HIF1A: variants seen among roughly 807,000 people sequenced by gnomAD.
HIF1A encodes the protein hypoxia-inducible factor 1-alpha.
HIF1A carries 24 observed loss-of-function variants against 92.7 expected under a neutral mutation model. The observed-to-expected ratio is 0.26, with a 90% confidence interval of 0.19 to 0.36. The LOEUF (loss-of-function observed/expected upper bound fraction) is 0.36. Ranked by LOEUF, HIF1A falls within the 10% of genes least tolerant of loss-of-function variation. The pLI, the probability that HIF1A is intolerant of heterozygous loss-of-function variation, is 1.00. For synonymous variants in HIF1A, 319 were observed against 338.7 expected (o/e 0.94, Z 0.64); for missense variants, 799 against 998.5 (o/e 0.80, Z 2.69).
At chr14:61,718,182 A>G (rs1485132051) in intron 1 of HIF1A, among the ~76,000 whole-genome samples, 1 of 151,636 alleles carries the variant, frequency 6.6e-6, no homozygotes, top group African/African-American at 2.4e-5. Flanking sequence ...GCCAGGCACA[A>G]TGGCTCAAGC....
intron 12 of HIF1A, among the ~76,000 whole-genome samples, chr14:61,742,478 T>C (rs2044723771): frequency 6.6e-6 from 1 of 152,172 alleles, no homozygotes; most frequent in Non-Finnish European, 1.5e-5. Flanking sequence ...CTTTATTTAC[T>C]GTGTCACTTA....
chr14:61,730,452 CCCT>C (rs1322801209), intron 6 of HIF1A, among the ~76,000 whole-genome samples: 3 of 152,106 alleles, frequency 2.0e-5, no homozygotes, highest in Admixed American at 6.5e-5. Context: ...AATCTGATCC[CCCT>C]ACCTACTTCT....
At chr14:61,703,382 T>C (rs1196380695) in intron 1 of HIF1A, among the ~76,000 whole-genome samples, 1 of 152,176 alleles carries the variant, frequency 6.6e-6, no homozygotes, top group Non-Finnish European at 1.5e-5. Context: ...CTCAATCTAG[T>C]TTAAGAGGGG....
chr14:61,717,495 C>G (rs961233477), intron 1 of HIF1A, among the ~76,000 whole-genome samples: 2 of 152,068 alleles, frequency 1.3e-5, no homozygotes, highest in Non-Finnish European at 2.9e-5. Flanking sequence ...TTTGTCAACT[C>G]TATATTAGTT....
Position 61,737,030 on chromosome 14 carries a change from T to G in HIF1A, c.1170T>G (p.Leu390=). The G allele has an allele frequency of 1.2e-6, 2 of 1,614,200 alleles. No individual in the cohort carries two copies. The highest frequency in any genetic ancestry group is 1.7e-6 in the Non-Finnish European group (2 of 1,180,018). The change falls in exon 9 of 15, where the codon CTT becomes CTG. Residue 390 remains leucine, a synonymous_variant. Coordinates refer to ENST00000337138, the MANE Select transcript of HIF1A (RefSeq NM_001530.4). ...SEDTSSLFDK[L]KKEPDALTLL... ...ATACAAGTAGCCTCTTTGACAAACT[T>G]AAGAAGGAACCTGATGCTTTAACTT...
At chr14:61,702,421 A>G (rs1316805608) in intron 1 of HIF1A, among the ~76,000 whole-genome samples, 1 of 150,158 alleles carries the variant, frequency 6.7e-6, no homozygotes, top group African/African-American at 2.5e-5. Context: ...GCCTGATGAC[A>G]GTGTGAGATG....
intron 13 of HIF1A, 58 bp downstream of exon 13, chr14:61,744,871 GTGT>G: frequency 1.6e-6 from 1 of 626,280 alleles, no homozygotes; most frequent in Non-Finnish European, 2.8e-6. Flanking sequence ...GTGTGTGTGT[GTGT>G]GTGTGTGTGT....
intron 1 of HIF1A, among the ~76,000 whole-genome samples, chr14:61,711,052 A>G (rs1343060410): frequency 7.2e-6 from 1 of 139,764 alleles, no homozygotes; most frequent in Non-Finnish European, 1.5e-5. Flanking sequence ...TGTCTCAAAA[A>G]AAAAAAAAAA....
At chr14:61,701,796 T>C (rs2044179683) in intron 1 of HIF1A, among the ~76,000 whole-genome samples, 1 of 152,096 alleles carries the variant, frequency 6.6e-6, no homozygotes, top group South Asian at 2.1e-4. Flanking sequence ...GAGACCAGCC[T>C]GGCCAACATG....
At chr14:61,716,155 A>G (rs892444402) in intron 1 of HIF1A, among the ~76,000 whole-genome samples, 5 of 151,672 alleles carry the variant, frequency 3.3e-5, no homozygotes, top group Non-Finnish European at 7.4e-5. Context: ...GCAGAAATTA[A>G]TAAGATTAAA....
chr14:61,745,688 T>C lies in HIF1A; in HGVS notation c.2203-3T>C. The C allele has an allele frequency of 6.2e-7, 1 of 1,612,024 alleles. No homozygotes were observed. The highest frequency in any genetic ancestry group is 8.5e-7 in the Non-Finnish European group (1 of 1,178,934). On this transcript the variant is annotated splice_region_variant and splice_polypyrimidine_tract_variant and intron_variant, in intron 13 of 14. Coordinates refer to ENST00000337138, the MANE Select transcript of HIF1A (RefSeq NM_001530.4). Reference sequence around the variant, plus strand: ...AAACTTGAAATAACTTTACTGTTTATAGGGAACATTATTACAGCAGCCAGA... The same window carrying C: ...AAACTTGAAATAACTTTACTGTTTACAGGGAACATTATTACAGCAGCCAGA...
chr14:61,727,370 G>A (rs1387928292), intron 5 of HIF1A, 83 bp from the exon 6 acceptor site: 1 of 980,418 alleles, frequency 1.0e-6, no homozygotes, highest in Non-Finnish European at 1.6e-6. Context: ...TACTGGCCAT[G>A]TCAGACTCAA....
chr14:61,695,896 C>A (rs1363713415), intron 1 of HIF1A, 57 bp downstream of exon 1: 4 of 1,499,476 alleles, frequency 2.7e-6, no homozygotes, highest in Non-Finnish European at 3.6e-6. Flanking sequence ...CCCGCCTGCC[C>A]GCCCTGGGCT....
At chr14:61,717,960 G>T (rs1446939396) in intron 1 of HIF1A, among the ~76,000 whole-genome samples, 2 of 150,326 alleles carry the variant, frequency 1.3e-5, no homozygotes, top group Admixed American at 6.6e-5. Flanking sequence ...AGTGGAGGTT[G>T]CAGTGAACCA....
intron 1 of HIF1A, among the ~76,000 whole-genome samples, chr14:61,708,328 T>C (rs2044266484): frequency 1.3e-5 from 2 of 152,250 alleles, no homozygotes; most frequent in East Asian, 3.8e-4. Context: ...TTTGTCAATT[T>C]TGGCTTCTGT....
At chr14:61,733,755 CT>C (rs2044603398) in intron 7 of HIF1A, among the ~76,000 whole-genome samples, 1 of 152,178 alleles carries the variant, frequency 6.6e-6, no homozygotes, top group South Asian at 2.1e-4. Context: ...TTTAAAGCAT[CT>C]TTGGTTCTCT....
Position 61,713,941 on chromosome 14 carries a change from G to A in HIF1A, c.36-6441G>A, listed in dbSNP as rs372073115. On this transcript the variant is annotated intron_variant, in intron 1 of 14. Coordinates refer to ENST00000337138, the MANE Select transcript of HIF1A (RefSeq NM_001530.4). ...CTGCAGAACTGATTGCTCACCTGGT[G>A]GTGGAGAGAACCCCTCCTCTCCCGA... Among the ~76,000 whole-genome samples, 11 of 152,272 alleles carry A rather than the reference G, an allele frequency of 7.2e-5. No homozygotes were observed. In the East Asian group the frequency reaches 1.9e-3, roughly 27 times the overall value.
chr14:61,721,479 ATTAT>A (rs1388211653), intron 2 of HIF1A, 26 bp from the exon 3 acceptor site: 1 of 1,581,910 alleles, frequency 6.3e-7, no homozygotes, highest in South Asian at 1.1e-5. Flanking sequence ...TTTTTAACTA[ATTAT>A]TTTCCTCTTC....
In HIF1A at chr14:61,727,422, T is replaced by G. The variant is rs2044520024; in HGVS notation, c.571-31T>G. Reference sequence around the variant, plus strand: ...TTTTTTTCCCTAGCATTGTAAATATTTTTTTTAACTGCTTTGTTCTTCATA... The same window carrying G: ...TTTTTTTCCCTAGCATTGTAAATATGTTTTTTAACTGCTTTGTTCTTCATA... On this transcript the variant is annotated intron_variant, in intron 5 of 14. Coordinates refer to ENST00000337138, the MANE Select transcript of HIF1A (RefSeq NM_001530.4). 9 of 1,527,160 alleles carry G rather than the reference T, an allele frequency of 5.9e-6. No individual in the cohort carries two copies. The East Asian group carries it at 2.0e-4, about 35-fold the overall frequency. The allele number at this position is 1,527,160 out of a possible 1,614,324, so 94.6% of individuals were successfully genotyped here.
Sources: allele counts gnomAD v4.1 joint callset (sites outside exome capture counted in the v4.1 genomes callset), GRCh38; gene constraint gnomAD v4.1.1; transcripts MANE v1.5; gene names NCBI Gene and HGNC (gene_info 2026-07-23, HGNC 2026-07-21).